The following EPHA6 variants were observed in gnomAD, a reference collection of about 807,000 sequenced individuals.
The protein encoded by EPHA6 is ephrin type-A receptor 6.
Under a neutral mutation model 112.0 loss-of-function variants are expected in EPHA6, and 50 were observed. The observed-to-expected ratio is 0.45, with a 90% CI of 0.36 to 0.56. EPHA6 has a LOEUF of 0.56. Among genes scored for constraint, EPHA6 ranks in the 20% least tolerant of loss-of-function variants. EPHA6 has a pLI of 0.00. For synonymous variants in EPHA6, 529 were observed against 490.7 expected, an observed-to-expected ratio of 1.08 and a Z score of -1.03; for missense variants, 1,280 against 1,417.4, an observed-to-expected ratio of 0.90 and a Z score of 1.56.
In EPHA6 at chr3:97,600,431, A is replaced by G. The variant is rs542271540; in HGVS notation, c.2512+7694A>G. Among the ~76,000 whole-genome samples the G allele has an allele frequency of 3.2e-3, 483 of 151,150 alleles. 3 individuals carry two copies. Among genetic ancestry groups the G allele is most frequent in the African/African-American group, 0.011 (458 of 41,146 alleles). Reference sequence around the variant, plus strand: ...TCATAGATAGCTCTTATTATTTTGAAATACGTCCCATCAATACCTAATTTA... The same window carrying G: ...TCATAGATAGCTCTTATTATTTTGAGATACGTCCCATCAATACCTAATTTA... On this transcript the variant is annotated intron_variant, in intron 12 of 17. Coordinates refer to ENST00000389672, the MANE Select transcript of EPHA6 (RefSeq NM_001080448.3).
intron 7 of EPHA6, among the ~76,000 whole-genome samples, chr3:97,462,606 A>G (rs2090927223): frequency 6.6e-6 from 1 of 152,184 alleles, no homozygotes; most frequent in African/African-American, 2.4e-5. Flanking sequence ...GCTTAGCTAT[A>G]TATTGAAAAT....
intron 2 of EPHA6, among the ~76,000 whole-genome samples, chr3:96,930,066 C>A (rs904279643): frequency 1.3e-4 from 20 of 152,192 alleles, no homozygotes; most frequent in African/African-American, 4.8e-4. Flanking sequence ...TCAGGTCTAA[C>A]AGGTTAATTG....
At chr3:97,292,915 C>G (rs2080742070) in intron 5 of EPHA6, among the ~76,000 whole-genome samples, 1 of 150,746 alleles carries the variant, frequency 6.6e-6, no homozygotes, top group Admixed American at 6.6e-5. Context: ...GAGAGGAGAC[C>G]TGTGGTGGGT....
chr3:97,084,113 TATATATATATGG>T (rs749418766), intron 3 of EPHA6, among the ~76,000 whole-genome samples: 11 of 123,660 alleles, frequency 8.9e-5, no homozygotes, highest in Admixed American at 3.1e-4. Flanking sequence ...TATATATATA[TATATATATATGG>T]ATATATATCC....
At chr3:97,298,278 T>C (rs943911754) in intron 5 of EPHA6, among the ~76,000 whole-genome samples, 1 of 152,210 alleles carries the variant, frequency 6.6e-6, no homozygotes, top group African/African-American at 2.4e-5. Context: ...CAATAAAGCT[T>C]TCTGGTTAAT....
intron 5 of EPHA6, among the ~76,000 whole-genome samples, chr3:97,387,998 A>G (rs966878673): frequency 5.3e-5 from 8 of 152,168 alleles, no homozygotes; most frequent in Non-Finnish European, 7.3e-5. Flanking sequence ...CTGTTAAACA[A>G]CCAGATCTCA....
Position 97,094,393 on chromosome 3 carries a change from C to T in EPHA6, c.1114+106400C>T, listed in dbSNP as rs149247704. Among the ~76,000 whole-genome samples the T allele has an allele frequency of 5.0e-3, 755 of 152,152 alleles. 6 individuals carry two copies. The highest frequency in any genetic ancestry group is 0.016 in the African/African-American group (666 of 41,532). On this transcript the variant is annotated intron_variant, in intron 3 of 17. Transcript: ENST00000389672. ...TCAAAAGTAAACAGTAACTTTTAAT[C>T]ACTTTCTATTCTCATTATATCTCCT...
intron 3 of EPHA6, among the ~76,000 whole-genome samples, chr3:97,156,845 G>A (rs934268055): frequency 2.6e-5 from 4 of 152,056 alleles, no homozygotes; most frequent in African/African-American, 9.7e-5. Context: ...GTTTGAAAAT[G>A]TATCCCTATT....
chr3:96,907,452 C>T (rs531157266), intron 2 of EPHA6, among the ~76,000 whole-genome samples: 82 of 151,178 alleles, frequency 5.4e-4, no homozygotes, highest in African/African-American at 1.8e-3. Flanking sequence ...TAGACTTTTT[C>T]TTATTGTCGT....
chr3:97,219,090 A>C (rs2088789), intron 3 of EPHA6, among the ~76,000 whole-genome samples: 36,057 of 152,082 alleles, frequency 0.24, 11,077 homozygotes, highest in African/African-American at 0.7. Flanking sequence ...TCTTGGACAG[A>C]TCTACCCCTG....
chr3:96,949,538 A>C (rs558468477), intron 2 of EPHA6, among the ~76,000 whole-genome samples: 84 of 152,262 alleles, frequency 5.5e-4, no homozygotes, highest in Middle Eastern at 3.4e-3. Flanking sequence ...TGCTGTGTAA[A>C]GTTATCTATT....
chr3:97,604,462 T>C (rs1189180414), intron 12 of EPHA6, among the ~76,000 whole-genome samples: 1 of 151,770 alleles, frequency 6.6e-6, no homozygotes. Flanking sequence ...ATAATTTTCA[T>C]GTCAATACCA....
chr3:97,300,387 G>A (rs191187324), intron 5 of EPHA6, among the ~76,000 whole-genome samples: 1 of 152,128 alleles, frequency 6.6e-6, no homozygotes, highest in African/African-American at 2.4e-5. Flanking sequence ...CAGTATCTTT[G>A]TCAGATATTA....
intron 4 of EPHA6, among the ~76,000 whole-genome samples, chr3:97,233,815 A>G (rs2078603443): frequency 2.0e-5 from 3 of 152,202 alleles, no homozygotes; most frequent in Admixed American, 2.0e-4. Flanking sequence ...TTTTGAATGT[A>G]TGATTAATAA....
Position 96,876,135 on chromosome 3 carries a change from T to A in EPHA6, c.450+9246T>A, listed in dbSNP as rs186362434. ...CATATTATTAATAAAATACATATAT[T>A]TTTTTTTTTTTTGTAGAGATGGGGA... On this transcript the variant is annotated intron_variant, in intron 2 of 17. Transcript: ENST00000389672. Among the ~76,000 whole-genome samples, 92 of 92,642 alleles carry A rather than the reference T, an allele frequency of 9.9e-4. 1 individual carries two copies. The highest frequency in any genetic ancestry group is 6.2e-3 in the East Asian group (16 of 2,590). The allele number at this position is 92,642 out of a possible 152,430, so 60.8% of individuals were successfully genotyped here. A position where few individuals can be genotyped will look rare whatever the true frequency, so the allele number is the denominator to read the frequency against.
Position 97,023,914 on chromosome 3 carries a change from G to A in EPHA6, c.1114+35921G>A, listed in dbSNP as rs149615711. Among the ~76,000 whole-genome samples the A allele has an allele frequency of 2.2e-3, 338 of 152,164 alleles. 3 individuals are homozygous for A. Among genetic ancestry groups the A allele is most frequent in the Admixed American group, 0.015 (223 of 15,288 alleles). On this transcript the variant is annotated intron_variant, in intron 3 of 17. Coordinates refer to ENST00000389672, the MANE Select transcript of EPHA6 (RefSeq NM_001080448.3). ...TGCATTTTAATGGAAGCAATATTTT[G>A]CATTTGAGTACATTACATAGGAAAA...
intron 6 of EPHA6, among the ~76,000 whole-genome samples, chr3:97,409,519 A>C (rs866298261): frequency 1.3e-5 from 2 of 152,072 alleles, no homozygotes; most frequent in Non-Finnish European, 2.9e-5. Context: ...CATACCTTAC[A>C]TCACAGCAGA....
At position 97,374,181 on chromosome 3, in the gene EPHA6, C is replaced by T. The variant is rs147804068; in HGVS notation, c.1607-30969C>T. Among the ~76,000 whole-genome samples the T allele has an allele frequency of 6.2e-4, 95 of 152,148 alleles. 1 individual carries two copies. The highest frequency in any genetic ancestry group is 2.2e-3 in the African/African-American group (92 of 41,542). On this transcript the variant is annotated intron_variant, in intron 5 of 17. Coordinates refer to ENST00000389672, the MANE Select transcript of EPHA6 (RefSeq NM_001080448.3). ...CCAAACTTCATATACCTCTCCACACCTATTTCTAAATTAATTTCTACTTTC... is the reference window on the plus strand; with the variant it reads ...CCAAACTTCATATACCTCTCCACACTTATTTCTAAATTAATTTCTACTTTC...
chr3:97,615,061 C>T (rs2093753880), intron 13 of EPHA6, among the ~76,000 whole-genome samples: 2 of 152,090 alleles, frequency 1.3e-5, no homozygotes, highest in African/African-American at 4.8e-5. Flanking sequence ...CTGAAACATC[C>T]AGTACTTGCA....
Sources: allele counts gnomAD v4.1 joint callset (sites outside exome capture counted in the v4.1 genomes callset), GRCh38; gene constraint gnomAD v4.1.1; transcripts MANE v1.5; gene names NCBI Gene and HGNC (gene_info 2026-07-23, HGNC 2026-07-21).